Variants in GLRA3 observed in about 807,000 individuals in gnomAD.
GLRA3 encodes glycine receptor subunit alpha-3.
A neutral mutation model predicts 60.4 loss-of-function variants in GLRA3; 44 were observed. The observed-to-expected ratio is 0.73, with a 90% confidence interval of 0.57 to 0.94. The LOEUF is 0.94. GLRA3 is among the 40% of genes least tolerant of loss of function. The probability of loss-of-function intolerance (pLI) is 0.00; values close to 1 mark genes in which losing one functional copy is unlikely to be tolerated. For synonymous variants in GLRA3, 223 were observed against 192.9 expected (o/e 1.16, Z -1.29); for missense variants, 508 against 564.6 (o/e 0.90, Z 1.02).
chr4:174,647,047 G>A (rs1198042871), intron 9 of GLRA3, among the ~76,000 whole-genome samples: 1 of 152,198 alleles, frequency 6.6e-6, no homozygotes, highest in Non-Finnish European at 1.5e-5. Flanking sequence ...TTGGCAGATG[G>A]ATGATCTGTG....
chr4:174,782,343 A>C (rs1446908196), intron 2 of GLRA3, among the ~76,000 whole-genome samples: 1 of 151,962 alleles, frequency 6.6e-6, no homozygotes, highest in African/African-American at 2.4e-5. Flanking sequence ...TATCTATGAC[A>C]AACCCACAGC....
chr4:174,781,577 T>G (rs1290975377), intron 2 of GLRA3, among the ~76,000 whole-genome samples: 1 of 143,564 alleles, frequency 7.0e-6, no homozygotes, highest in African/African-American at 2.6e-5. Context: ...GCAAGACTAA[T>G]AAAGAAAAAA....
intron 2 of GLRA3, among the ~76,000 whole-genome samples, chr4:174,775,345 C>A (rs1168249452): frequency 6.6e-6 from 1 of 151,902 alleles, no homozygotes; most frequent in Non-Finnish European, 1.5e-5. Flanking sequence ...GGTACACATG[C>A]CACCCTTGGC....
At chr4:174,688,328 T>C (rs1437778654) in intron 5 of GLRA3, among the ~76,000 whole-genome samples, 8 of 49,452 alleles carry the variant, frequency 1.6e-4, no homozygotes, top group African/African-American at 5.8e-4. Context: ...CATATATATA[T>C]ATATATATAT....
intron 5 of GLRA3, among the ~76,000 whole-genome samples, chr4:174,689,756 TAAAAAAAAAAAAAAAA>T (rs553306775): frequency 7.6e-5 from 3 of 39,514 alleles, no homozygotes; most frequent in African/African-American, 3.2e-4. Flanking sequence ...TAAGTCGCAT[TAAAAAAAAAAAAAAAA>T]AAAAAAAAAA....
In GLRA3 at chr4:174,650,046, T is replaced by C. The variant is rs1732971908; in HGVS notation, c.1117-5982A>G. Among the ~76,000 whole-genome samples, 4 of 152,260 alleles carry C rather than the reference T, an allele frequency of 2.6e-5. No individual in the cohort carries two copies. The South Asian group carries it at 8.3e-4, about 32-fold the overall frequency. ...AGTCAGGGAAGAGTTTGGAAACTAG[T>C]GGCACCTGTGACTAGGTACGGGTGG... On this transcript the variant is annotated intron_variant, in intron 9 of 9. Transcript: ENST00000274093.
rs28616750 is a variant in GLRA3 at position 174,674,902 on chromosome 4, T to G, written c.927+2176A>C. Among the ~76,000 whole-genome samples the G allele has an allele frequency of 2.6e-5, 4 of 152,032 alleles. No individual in the cohort carries two copies. In the East Asian group the frequency reaches 7.8e-4, roughly 29 times the overall value. On this transcript the variant is annotated intron_variant, in intron 7 of 9. Coordinates refer to ENST00000274093, the MANE Select transcript of GLRA3 (RefSeq NM_006529.4). ...CACCTCCTGTCTCTCTGGCCCAAAA[T>G]AGTTGCAGAATCAGAATTGTACTTT...
chr4:174,776,640 T>A (rs903652053), intron 2 of GLRA3, among the ~76,000 whole-genome samples: 2 of 151,944 alleles, frequency 1.3e-5, no homozygotes, highest in Non-Finnish European at 2.9e-5. Context: ...AATAACCAAT[T>A]TTTTTGGAGT....
intron 2 of GLRA3, among the ~76,000 whole-genome samples, chr4:174,767,842 T>C (rs1035701453): frequency 6.6e-6 from 1 of 152,104 alleles, no homozygotes; most frequent in South Asian, 2.1e-4. Context: ...TATGTGCATA[T>C]GTAAACTCCA....
intron 6 of GLRA3, among the ~76,000 whole-genome samples, chr4:174,679,676 A>T (rs982941891): frequency 6.6e-6 from 1 of 152,214 alleles, no homozygotes; most frequent in South Asian, 2.1e-4. Context: ...TAGTGTATAT[A>T]CACAATGGAA....
intron 3 of GLRA3, among the ~76,000 whole-genome samples, chr4:174,752,592 T>A (rs563676681): frequency 1.3e-5 from 2 of 152,126 alleles, no homozygotes; most frequent in African/African-American, 4.8e-5. Context: ...TTCCGAAAGT[T>A]TGACGATAGA....
chr4:174,671,660 A>AT (rs989832288), intron 7 of GLRA3, among the ~76,000 whole-genome samples: 13 of 151,968 alleles, frequency 8.6e-5, no homozygotes, highest in African/African-American at 2.9e-4. Context: ...ATTTTTTATT[A>AT]TTTTTTTGAG....
In GLRA3 at chr4:174,642,768, C is replaced by T; in HGVS notation, c.*1018G>A. The T allele has an allele frequency of 1.3e-6, 1 of 771,842 alleles. No homozygotes were observed. The highest frequency in any genetic ancestry group is 1.6e-6 in the Non-Finnish European group (1 of 635,312). 47.8% of individuals were successfully genotyped at this position (771,842 alleles called of 1,614,324 possible). ...ATATTTGGAGATAGGAGTTGAGACC[C>T]ATAAAACATTGATGGGAAAATGGTT... On this transcript the variant is annotated 3_prime_UTR_variant, in exon 10 of 10. Coordinates refer to ENST00000274093, the MANE Select transcript of GLRA3 (RefSeq NM_006529.4).
chr4:174,797,487 A>T (rs1739618013), intron 1 of GLRA3, among the ~76,000 whole-genome samples: 2 of 152,098 alleles, frequency 1.3e-5, no homozygotes, highest in African/African-American at 2.4e-5. Flanking sequence ...CCATCAATGA[A>T]TTTTTTTTAA....
At chr4:174,703,560 T>C (rs529336654) in intron 5 of GLRA3, among the ~76,000 whole-genome samples, 58 of 152,324 alleles carry the variant, frequency 3.8e-4, no homozygotes, top group African/African-American at 1.4e-3. Flanking sequence ...TTTGTTTACT[T>C]ATTAGGTTTT....
At chr4:174,649,486 A>G (rs1732953284) in intron 9 of GLRA3, among the ~76,000 whole-genome samples, 1 of 152,132 alleles carries the variant, frequency 6.6e-6, no homozygotes, top group African/African-American at 2.4e-5. Flanking sequence ...GCCCAGTTTT[A>G]ATTGGATGTA....
intron 4 of GLRA3, among the ~76,000 whole-genome samples, chr4:174,722,159 G>A (rs902155564): frequency 2.6e-5 from 4 of 152,060 alleles, no homozygotes; most frequent in African/African-American, 9.7e-5. Flanking sequence ...CCAGCAAGGG[G>A]TCCTGTCATT....
chr4:174,712,605 T>C (rs917950662), intron 5 of GLRA3: 4 of 152,154 alleles, frequency 2.6e-5, no homozygotes, highest in African/African-American at 9.7e-5. Flanking sequence ...AAATTATGTT[T>C]CCTTTTTGCC....
At chr4:174,801,787 G>A (rs1438197833) in intron 1 of GLRA3, among the ~76,000 whole-genome samples, 1 of 151,908 alleles carries the variant, frequency 6.6e-6, no homozygotes, top group Admixed American at 6.6e-5. Context: ...ATTCCCCCAG[G>A]AAGCCTTAAG....
Sources: allele counts gnomAD v4.1 joint callset (sites outside exome capture counted in the v4.1 genomes callset), GRCh38; gene constraint gnomAD v4.1.1; transcripts MANE v1.5; gene names NCBI Gene and HGNC (gene_info 2026-07-23, HGNC 2026-07-21).